The following DPP10 variants were observed in gnomAD, a reference collection of about 807,000 sequenced individuals.
DPP10 encodes dipeptidyl peptidase like 10, also known as inactive dipeptidyl peptidase 10.
Under a neutral mutation model 120.9 loss-of-function variants are expected in DPP10, and 33 were observed. That is an observed-to-expected ratio of 0.27 (90% CI 0.21 to 0.37). The LOEUF is 0.37. Ranked by LOEUF, DPP10 falls within the 10% of genes least tolerant of loss-of-function variation. The probability of loss-of-function intolerance (pLI) is 1.00; values close to 1 mark genes in which losing one functional copy is unlikely to be tolerated. For synonymous variants in DPP10, 337 were observed against 326.1 expected, an observed-to-expected ratio of 1.03 and a Z score of -0.36; for missense variants, 816 against 942.8, an observed-to-expected ratio of 0.87 and a Z score of 1.76.
chr2:115,353,582 A>G (rs2064174444), intron 3 of DPP10, among the ~76,000 whole-genome samples: 1 of 152,138 alleles, frequency 6.6e-6, no homozygotes. Flanking sequence ...AGTGGGAGAT[A>G]TTAGTAATAG....
At chr2:114,577,405 A>G (rs1690141211) in intron 1 of DPP10, among the ~76,000 whole-genome samples, 1 of 152,218 alleles carries the variant, frequency 6.6e-6, no homozygotes, top group Non-Finnish European at 1.5e-5. Flanking sequence ...AATTGAAAGC[A>G]GAGTGGAGGT....
intron 5 of DPP10, among the ~76,000 whole-genome samples, chr2:115,637,189 G>T (rs1016743792): frequency 6.6e-6 from 1 of 151,966 alleles, no homozygotes; most frequent in Non-Finnish European, 1.5e-5. Context: ...CAATTATATT[G>T]GCAAAAATGT....
In DPP10 at chr2:115,826,143, G is replaced by A. The variant is rs140688298; in HGVS notation, c.1951-10014G>A. Among the ~76,000 whole-genome samples the A allele has an allele frequency of 7.3e-4, 111 of 152,234 alleles. No individual in the cohort carries two copies. The East Asian group carries it at 0.02, about 27-fold the overall frequency. ...GTTAACCTCTTACTCCTGCTTTCTA[G>A]GAAGGTCAAGTAACAACTCAGTTTG... On this transcript the variant is annotated intron_variant, in intron 21 of 25. Coordinates refer to ENST00000410059, the MANE Select transcript of DPP10 (RefSeq NM_020868.6).
chr2:115,064,626 G>A (rs1054121179), intron 1 of DPP10: 3 of 1,259,998 alleles, frequency 2.4e-6, no homozygotes, highest in East Asian at 1.2e-4. Flanking sequence ...TTTGCTTCCT[G>A]TACTTATATG....
chr2:115,383,296 G>C (rs2066565380), intron 3 of DPP10, among the ~76,000 whole-genome samples: 2 of 152,286 alleles, frequency 1.3e-5, no homozygotes, highest in Admixed American at 1.3e-4. Flanking sequence ...CACAAGATAT[G>C]ATGGTTTTAT....
chr2:115,435,741 CCTAT>C (rs2071433683), intron 3 of DPP10, among the ~76,000 whole-genome samples: 1 of 151,656 alleles, frequency 6.6e-6, no homozygotes, highest in Admixed American at 6.6e-5. Context: ...GCTTTTGTTG[CCTAT>C]CTTACACAAA....
intron 1 of DPP10, among the ~76,000 whole-genome samples, chr2:114,946,991 A>G (rs1161022346): frequency 6.6e-6 from 1 of 152,114 alleles, no homozygotes; most frequent in African/African-American, 2.4e-5. Flanking sequence ...TACATGTTCC[A>G]TTTCTCCTTA....
chr2:115,784,754 A>C, intron 17 of DPP10, among the ~76,000 whole-genome samples: 1 of 152,044 alleles, frequency 6.6e-6, no homozygotes, highest in East Asian at 1.9e-4. Flanking sequence ...CTGGTCTCGA[A>C]CTCACAACCT....
In DPP10 at chr2:114,561,588, C is replaced by T. The variant is rs111374634; in HGVS notation, c.60+118750C>T. The stretch of plus-strand genomic sequence containing the variant: ...TCTCTCACTATTAGAAAGAGCTTTG[C>T]GGTTTACTTTTAGAGAAAAAATCCA... On this transcript the variant is annotated intron_variant, in intron 1 of 25. Coordinates refer to ENST00000410059, the MANE Select transcript of DPP10 (RefSeq NM_020868.6). Among the ~76,000 whole-genome samples the T allele has an allele frequency of 4.4e-3, 661 of 151,500 alleles. 12 individuals carry two copies. Among genetic ancestry groups the T allele is most frequent in the African/African-American group, 3.3e-3 (137 of 41,308 alleles).
At chr2:115,731,745 A>G (rs372334745) in intron 8 of DPP10, among the ~76,000 whole-genome samples, 1 of 152,174 alleles carries the variant, frequency 6.6e-6, no homozygotes, top group East Asian at 1.9e-4. Context: ...GTCAGACTTC[A>G]GTGATCTGTT....
chr2:115,609,211 A>T (rs900450562), intron 5 of DPP10, among the ~76,000 whole-genome samples: 1 of 152,182 alleles, frequency 6.6e-6, no homozygotes, highest in Admixed American at 6.5e-5. Context: ...CAAAATACTG[A>T]GGCAAAATAA....
chr2:114,850,050 T>G (rs979937045), intron 1 of DPP10, among the ~76,000 whole-genome samples: 3 of 118,760 alleles, frequency 2.5e-5, no homozygotes, highest in African/African-American at 7.7e-5. Context: ...TCCCTTCTCT[T>G]TCTTTTTTTT....
Position 115,585,563 on chromosome 2 carries a change from C to G in DPP10, c.441+59591C>G, listed in dbSNP as rs188629410. Among the ~76,000 whole-genome samples, 6 of 152,324 alleles carry G rather than the reference C, an allele frequency of 3.9e-5. No individual in the cohort carries two copies. In the East Asian group the frequency reaches 1.2e-3, roughly 29 times the overall value. The stretch of plus-strand genomic sequence containing the variant: ...AGTTTTATCAAGTTTTCTTCCTCCT[C>G]TTTCCCTTCCTTCCTTTCTTTTTTC... On this transcript the variant is annotated intron_variant, in intron 5 of 25. Coordinates refer to ENST00000410059, the MANE Select transcript of DPP10 (RefSeq NM_020868.6).
intron 3 of DPP10, among the ~76,000 whole-genome samples, chr2:115,455,170 A>G (rs1441380434): frequency 6.6e-6 from 1 of 151,930 alleles, no homozygotes; most frequent in African/African-American, 2.4e-5. Context: ...ATCTATATAA[A>G]TGGAGAGACA....
intron 1 of DPP10, among the ~76,000 whole-genome samples, chr2:115,057,377 T>C (rs992058042): frequency 6.6e-6 from 1 of 152,210 alleles, no homozygotes; most frequent in African/African-American, 2.4e-5. Context: ...GGAGGGATTT[T>C]TTTTTAGGTC....
At chr2:115,708,017 C>G (rs1041561271) in intron 7 of DPP10, among the ~76,000 whole-genome samples, 14 of 151,794 alleles carry the variant, frequency 9.2e-5, no homozygotes, top group Non-Finnish European at 5.9e-5. Flanking sequence ...GATATAGATG[C>G]AGATATCTTA....
chr2:115,402,877 G>A (rs9752932), intron 3 of DPP10, among the ~76,000 whole-genome samples: 22,691 of 56,522 alleles, frequency 0.4, 2,739 homozygotes, highest in African/African-American at 0.45. Flanking sequence ...ATATATATAT[G>A]TGTGTGTGTG....
intron 3 of DPP10, among the ~76,000 whole-genome samples, chr2:115,491,880 G>A (rs901188937): frequency 5.9e-5 from 9 of 152,134 alleles, no homozygotes; most frequent in African/African-American, 1.9e-4. Flanking sequence ...AAGGGTAGGG[G>A]TAGAGGAATT....
At chr2:115,453,788 A>G (rs979954268) in intron 3 of DPP10, among the ~76,000 whole-genome samples, 2 of 151,592 alleles carry the variant, frequency 1.3e-5, no homozygotes, top group Non-Finnish European at 3.0e-5. Flanking sequence ...AATAAAGATT[A>G]AGATGGAAAT....
Sources: allele counts gnomAD v4.1 joint callset (sites outside exome capture counted in the v4.1 genomes callset), GRCh38; gene constraint gnomAD v4.1.1; transcripts MANE v1.5; gene names NCBI Gene and HGNC (gene_info 2026-07-23, HGNC 2026-07-21).